PAXBP1: variants seen among roughly 807,000 people sequenced by gnomAD.
PAXBP1 encodes the protein PAX3 and PAX7 binding protein 1.
Under a neutral mutation model 119.9 loss-of-function variants are expected in PAXBP1, and 44 were observed. The observed-to-expected ratio is 0.37, with a 90% confidence interval of 0.29 to 0.47. The LOEUF (loss-of-function observed/expected upper bound fraction) is 0.47. Among genes scored for constraint, PAXBP1 ranks in the 20% least tolerant of loss-of-function variants. The pLI is 0.99. For synonymous variants in PAXBP1, 393 were observed against 406.6 expected (o/e 0.97, Z 0.40); for missense variants, 898 against 1,134.1 (o/e 0.79, Z 2.99).
intron 6 of PAXBP1, 36 bp downstream of exon 6, chr21:32,759,737 AAGCT>A: frequency 6.5e-7 from 1 of 1,532,920 alleles, no homozygotes; most frequent in African/African-American, 1.4e-5. Context: ...AGGGAACAGA[AAGCT>A]AGCGGACAGG....
intron 11 of PAXBP1, 79 bp from the exon 12 acceptor site, chr21:32,745,797 A>T: frequency 6.5e-7 from 1 of 1,543,706 alleles, no homozygotes. Context: ...AGAAACAAGA[A>T]CTGGATTTAA....
intron 13 of PAXBP1, among the ~76,000 whole-genome samples, chr21:32,744,261 A>T (rs1417593350): frequency 2.8e-5 from 3 of 106,486 alleles, no homozygotes; most frequent in African/African-American, 1.1e-4. Context: ...CTGATGAGCT[A>T]AAAAAAAAAA....
rs116339270 is a variant in PAXBP1, at chr21:32,734,962, G to T, written c.2742C>A (p.Ile914=). 12 of 1,612,444 alleles carry T rather than the reference G, an allele frequency of 7.4e-6. No homozygotes were observed. The highest frequency in any genetic ancestry group is 2.7e-5 in the African/African-American group (2 of 74,840). ...CAGTCTCATAGATCTATTTTCCTTCGATCAAAGACTTAAATTCTTTCACAT... is the reference window on the plus strand; with the variant it reads ...CAGTCTCATAGATCTATTTTCCTTCTATCAAAGACTTAAATTCTTTCACAT... ...DHNVKEFKSL[I]EGK is the part of the protein sequence containing the mutation. The change falls in exon 18 of 18, where the codon ATC becomes ATA. Residue 914 remains isoleucine, a synonymous_variant. Transcript: ENST00000331923.
At chr21:32,759,363 C>T (rs1489610276) in intron 6 of PAXBP1, 94 bp from the exon 7 acceptor site, 6 of 1,166,342 alleles carry the variant, frequency 5.1e-6, no homozygotes, top group Admixed American at 2.7e-5. Context: ...TTTAGCTCCA[C>T]TATTAGAACA....
Position 32,737,359 on chromosome 21 carries a change from C to T in PAXBP1, c.2531G>A (p.Arg844Lys). Reference sequence around the variant, plus strand: ...AAAGTTTTCTAACTGAGAAATAGTCCTTTCTCCTTTCAGATTCATGAACCA... The same window carrying T: ...AAAGTTTTCTAACTGAGAAATAGTCTTTTCTCCTTTCAGATTCATGAACCA... ...KQWFMNLKGE[R>K]TISQLENFCR... The change falls in exon 17 of 18, where the codon AGG (arginine) becomes AAG (lysine). Residue 844 changes from arginine to lysine, a missense_variant. By Grantham distance (26) the Arg-to-Lys change is conservative. Transcript: ENST00000331923. The T allele has an allele frequency of 6.2e-7, 1 of 1,608,484 alleles. No individual in the cohort carries two copies.
intron 8 of PAXBP1, among the ~76,000 whole-genome samples, chr21:32,752,886 T>G (rs2043978973): frequency 6.6e-6 from 1 of 152,044 alleles, no homozygotes. Context: ...AGTGCTGGGA[T>G]TACAGGCGAG....
intron 16 of PAXBP1, 115 bp downstream of exon 16, chr21:32,738,058 C>A (rs527773616): frequency 9.3e-7 from 1 of 1,075,410 alleles, no homozygotes; most frequent in Non-Finnish European, 1.3e-6. Flanking sequence ...ACCTTACATG[C>A]AAGTCCAGTA....
intron 12 of PAXBP1, among the ~76,000 whole-genome samples, 165 bp from the exon 13 acceptor site, chr21:32,745,078 G>A (rs2060934506): frequency 6.6e-6 from 1 of 152,114 alleles, no homozygotes; most frequent in Non-Finnish European, 1.5e-5. Context: ...GGAGGGATAG[G>A]GATGTGGAGA....
rs1472660950 is a variant in PAXBP1, at chr21:32,759,807, A to G, written c.1163T>C (p.Ile388Thr). 1 of 1,613,848 alleles carries G rather than the reference A, an allele frequency of 6.2e-7. No individual in the cohort carries two copies. The highest frequency in any genetic ancestry group is 1.3e-5 in the African/African-American group (1 of 74,938). The change falls in exon 6 of 18, where the codon ATT becomes ACT. Residue 388 changes from isoleucine (I) to threonine (T), a missense_variant. Physicochemically the swap from Ile to Thr is moderately conservative, Grantham distance 89. Around this residue, in one of 2 missense-constraint regions of PAXBP1, gnomAD observed 599 missense variants for 852.7 expected, o/e 0.70. Transcript: ENST00000331923. ...TTTAAGCTGTTTCTTTACCAAATCA[A>G]TAGTAACGGGAGTCATCTCATTACT... is the stretch of plus-strand genomic sequence containing the variant. The part of the protein sequence containing the change: ...TPSNEMTPVT[I>T]DLVKKQLKDR...
intron 6 of PAXBP1, 43 bp downstream of exon 6, chr21:32,759,734 A>C: frequency 6.6e-7 from 1 of 1,523,826 alleles, no homozygotes; most frequent in East Asian, 2.3e-5. Context: ...CTGAGGGAAC[A>C]GAAAGCTAGC....
chr21:32,756,237 A>C (rs2044040843), intron 7 of PAXBP1: 4 of 519,872 alleles, frequency 7.7e-6, no homozygotes, highest in Non-Finnish European at 1.6e-5. Context: ...ACGTAACACT[A>C]ATGACCACTA....
rs548372465 is a variant in PAXBP1, at chr21:32,747,963, T to C, written c.1923+536A>G. 1.1e-4 allele frequency among the ~76,000 whole-genome samples: 16 copies of C among 151,890 alleles called. No homozygotes were observed. The South Asian group carries it at 3.3e-3, about 32-fold the overall frequency. The stretch of plus-strand genomic sequence containing the variant: ...CCACAGCTAATTTTTTTTTTTTTTT[T>C]TTAAGTAGAGACAAGGTCTTGCTAT... On this transcript the variant is annotated intron_variant, in intron 11 of 17. Coordinates refer to ENST00000331923, the MANE Select transcript of PAXBP1 (RefSeq NM_016631.4).
intron 2 of PAXBP1, 53 bp downstream of exon 2, chr21:32,769,761 G>T: frequency 6.3e-7 from 1 of 1,577,108 alleles, no homozygotes; most frequent in South Asian, 1.2e-5. Flanking sequence ...ATCACTGTGA[G>T]AAAGAGCTTT....
At chr21:32,758,308 CCA>C (rs762203494) in intron 7 of PAXBP1, among the ~76,000 whole-genome samples, 3 of 151,560 alleles carry the variant, frequency 2.0e-5, no homozygotes, top group Non-Finnish European at 4.4e-5. Flanking sequence ...TATTTAAGGA[CCA>C]CAGTTTTAAT....
intron 2 of PAXBP1, among the ~76,000 whole-genome samples, chr21:32,765,655 C>G (rs1162086519): frequency 6.6e-6 from 1 of 152,118 alleles, no homozygotes; most frequent in African/African-American, 2.4e-5. Flanking sequence ...TCCCTCCCCT[C>G]TTTTTAACTT....
At chr21:32,767,741 G>C (rs1442882592) in intron 2 of PAXBP1, among the ~76,000 whole-genome samples, 1 of 152,130 alleles carries the variant, frequency 6.6e-6, no homozygotes, top group Non-Finnish European at 1.5e-5. Flanking sequence ...CCATGATTCT[G>C]AGGCCTCCGC....
chr21:32,734,587 C>A lies in PAXBP1; in HGVS notation c.*363G>T. 1 of 191,466 alleles carries A rather than the reference C, an allele frequency of 5.2e-6. No individual in the cohort carries two copies. Among genetic ancestry groups the A allele is most frequent in the Non-Finnish European group, 1.1e-5 (1 of 93,768 alleles). 11.9% of individuals were successfully genotyped at this position (191,466 alleles called of 1,614,324 possible). ...AGGCTTCCTCTGTGGAAAAACACCA[C>A]AAATTTCCAGTGTGAAAGTAAGTCC... On this transcript the variant is annotated 3_prime_UTR_variant, in exon 18 of 18. Coordinates refer to ENST00000331923, the MANE Select transcript of PAXBP1 (RefSeq NM_016631.4).
intron 7 of PAXBP1, chr21:32,756,230 T>G (rs1345391654): frequency 9.8e-6 from 5 of 510,624 alleles, no homozygotes; most frequent in African/African-American, 6.0e-5. Context: ...GACTTTCACG[T>G]AACACTAATG....
rs1387446689 is a variant in PAXBP1, at chr21:32,743,266, C to T, written c.2316G>A (p.Gln772=). ...NSGPYLFFQR[Q]FWSSVKLLGN... ...CACGTACCTTAACTGAAGACCAAAA[C>T]TGTCGTTGAAAAAACAAGTAAGGCC... is the stretch of plus-strand genomic sequence containing the variant. Residue 772 remains glutamine, a synonymous_variant, in exon 15 of 18, where the codon CAG becomes CAA. Transcript: ENST00000331923. The T allele has an allele frequency of 3.8e-6, 6 of 1,576,584 alleles. No individual in the cohort carries two copies. Among genetic ancestry groups the T allele is most frequent in the Non-Finnish European group, 5.1e-6 (6 of 1,169,762 alleles).
Sources: gnomAD v4.1 joint callset for allele counts (sites outside exome capture counted in the v4.1 genomes callset) on GRCh38, gnomAD v4.1.1 for gene constraint, gnomAD v4.1.1 regional missense constraint, MANE v1.5 for transcripts, NCBI Gene and HGNC (gene_info 2026-07-23, HGNC 2026-07-21) for gene names.